The following RBBP8 variants were observed in gnomAD, a reference collection of about 807,000 sequenced individuals.
RBBP8 encodes the protein RB binding protein 8, endonuclease, also known as DNA endonuclease RBBP8.
Under a neutral mutation model 108.3 loss-of-function variants are expected in RBBP8, and 88 were observed. That is an observed-to-expected ratio of 0.81 (90% CI 0.68 to 0.97). The LOEUF (loss-of-function observed/expected upper bound fraction) is 0.97. Among genes scored for constraint, RBBP8 ranks in the 50% least tolerant of loss-of-function variants. The pLI is 0.00. For synonymous variants in RBBP8, 332 were observed against 348.2 expected, an observed-to-expected ratio of 0.95 and a Z score of 0.52; for missense variants, 1,023 against 1,049.0, an observed-to-expected ratio of 0.98 and a Z score of 0.34.
At chr18:22,999,168 C>T (rs2144733366) in intron 14 of RBBP8, among the ~76,000 whole-genome samples, 1 of 152,322 alleles carries the variant, frequency 6.6e-6, no homozygotes, top group East Asian at 1.9e-4. Flanking sequence ...TAATAAAGTG[C>T]TATGGATAGT....
chr18:22,995,418 T>C (rs2045838185), intron 12 of RBBP8, among the ~76,000 whole-genome samples: 1 of 152,200 alleles, frequency 6.6e-6, no homozygotes, highest in Non-Finnish European at 1.5e-5. Context: ...TTATAGTTTT[T>C]AATTTTAAAA....
In RBBP8 at chr18:22,937,204, C is replaced by T. The variant is rs1449142656; in HGVS notation, c.109+244C>T. Reference sequence around the variant, plus strand: ...TTTTCAATCCCCACCCTCTTCCCACCCCCCTGACCCTCCACCCTCATGTAG... The same window carrying T: ...TTTTCAATCCCCACCCTCTTCCCACTCCCCTGACCCTCCACCCTCATGTAG... On this transcript the variant is annotated intron_variant, in intron 2 of 18. Transcript: ENST00000327155. 5 of 591,748 alleles carry T rather than the reference C, an allele frequency of 8.4e-6. No homozygotes were observed. The Admixed American group carries it at 1.3e-4, about 16-fold the overall frequency. The allele number at this position is 591,748 out of a possible 1,614,324, so 36.7% of individuals were successfully genotyped here. A position where few individuals can be genotyped will look rare whatever the true frequency, so the allele number is the denominator to read the frequency against.
At chr18:22,949,364 AAAT>A (rs1356326478) in intron 3 of RBBP8, among the ~76,000 whole-genome samples, 1 of 152,198 alleles carries the variant, frequency 6.6e-6, no homozygotes, top group Non-Finnish European at 1.5e-5. Flanking sequence ...CAAAATAATA[AAAT>A]AATGTACATT....
At position 22,976,576 on chromosome 18, in the gene RBBP8, C is replaced by T. The variant is rs543373743; in HGVS notation, c.428+1357C>T. Among the ~76,000 whole-genome samples the T allele has an allele frequency of 9.2e-5, 14 of 152,206 alleles. No individual in the cohort carries two copies. The South Asian group carries it at 2.1e-3, about 23-fold the overall frequency. On this transcript the variant is annotated intron_variant, in intron 6 of 18. Transcript: ENST00000327155. ...TGATTACAGGATGATGCTTCAGACT[C>T]CACTGGAGCTGTTATGTAATTATGT...
chr18:22,971,629 A>G (rs1245493317), intron 5 of RBBP8, among the ~76,000 whole-genome samples: 1 of 150,632 alleles, frequency 6.6e-6, no homozygotes, highest in Non-Finnish European at 1.5e-5. Context: ...AGGGTGAACC[A>G]ATGTTTAATT....
At chr18:23,006,307 A>T in intron 15 of RBBP8, 56 bp from the exon 16 acceptor site, 2 of 1,466,388 alleles carry the variant, frequency 1.4e-6, no homozygotes, top group Non-Finnish European at 1.9e-6. Context: ...CAAGCTAGTT[A>T]ATTATTTCTC....
At position 22,971,148 on chromosome 18, in the gene RBBP8, TAA is replaced by T. The variant is rs11340946; in HGVS notation, c.361+2243_361+2244del. Among the ~76,000 whole-genome samples the T allele has an allele frequency of 9.5e-3, 1,377 of 145,086 alleles. 19 individuals are homozygous for T. Among genetic ancestry groups the T allele is most frequent in the African/African-American group, 0.027 (1,058 of 39,760 alleles). On this transcript the variant is annotated intron_variant, in intron 5 of 18. Coordinates refer to ENST00000327155, the MANE Select transcript of RBBP8 (RefSeq NM_002894.3). ...GAAATGAGCATGCCAGGAGAGTCTT[TAA>T]AAAAAAAAAAAAGCTTCTTTGAACA...
intron 5 of RBBP8, among the ~76,000 whole-genome samples, chr18:22,971,803 G>T (rs960089310): frequency 6.6e-6 from 1 of 151,040 alleles, no homozygotes. Flanking sequence ...CCACCACCAC[G>T]CCCAGCTAAT....
intron 4 of RBBP8, among the ~76,000 whole-genome samples, chr18:22,957,483 G>T (rs1912682592): frequency 2.0e-5 from 3 of 151,830 alleles, no homozygotes; most frequent in African/African-American, 7.3e-5. Flanking sequence ...GAGCATAATT[G>T]TTACTCTGAT....
intron 16 of RBBP8, among the ~76,000 whole-genome samples, chr18:23,010,465 T>C (rs1167416563): frequency 1.3e-5 from 2 of 151,926 alleles, no homozygotes; most frequent in African/African-American, 4.8e-5. Flanking sequence ...CTAGGTGTGA[T>C]GGTGTGTGCC....
intron 6 of RBBP8, among the ~76,000 whole-genome samples, chr18:22,980,269 A>C (rs1325641753): frequency 6.6e-6 from 1 of 152,164 alleles, no homozygotes; most frequent in African/African-American, 2.4e-5. Flanking sequence ...AATAAATAAA[A>C]ATGAGTAAAT....
intron 4 of RBBP8, among the ~76,000 whole-genome samples, chr18:22,959,720 A>C (rs1279264801): frequency 6.7e-6 from 1 of 149,666 alleles, no homozygotes; most frequent in South Asian, 2.1e-4. Flanking sequence ...CTGTATATTT[A>C]TATGTGTGTG....
chr18:23,005,375 CAG>C (rs1387184514), intron 15 of RBBP8, among the ~76,000 whole-genome samples: 1 of 152,150 alleles, frequency 6.6e-6, no homozygotes, highest in Non-Finnish European at 1.5e-5. Context: ...GTACATATAT[CAG>C]AGTATCACAC....
At position 23,014,231 on chromosome 18, in the gene RBBP8, G is replaced by A. The variant is rs1456968171; in HGVS notation, c.2358-2597G>A. 3.3e-5 allele frequency among the ~76,000 whole-genome samples: 5 copies of A among 151,712 alleles called. 1 individual carries two copies. In the South Asian group the frequency reaches 1.0e-3, roughly 31 times the overall value. ...ATGTTGGCCAGGCTGGATGAATGTT[G>A]TTTTCATGCCCGCTAACACGTATCG... On this transcript the variant is annotated intron_variant, in intron 16 of 18. Transcript: ENST00000327155.
In RBBP8 at chr18:22,996,507, A is replaced by G. The variant is rs200336198; in HGVS notation, c.2028+45A>G. The G allele has an allele frequency of 2.0e-5, 32 of 1,602,896 alleles. No individual in the cohort carries two copies. In the Admixed American group the frequency reaches 4.2e-4, roughly 21 times the overall value. On this transcript the variant is annotated intron_variant, in intron 13 of 18. Transcript: ENST00000327155. The stretch of plus-strand genomic sequence containing the variant: ...CAAAACTCATTTGACTTTTATTCCA[A>G]TGAGTTGTTAGTCAACCTCCTCTCG...
chr18:22,929,465 G>GGTGTGTGTGTGTGTGTGTGTGT (rs1165994615), upstream of RBBP8: 1 of 110,714 alleles, frequency 9.0e-6, no homozygotes, highest in African/African-American at 4.2e-5. Context: ...TGTTTGGGCA[G>GGTGTGTGTGTGTGTGTGTGTGT]GTGTGTGTGT....
At chr18:22,931,153 C>G (rs1041294312), upstream of RBBP8, among the ~76,000 whole-genome samples, 1 of 151,932 alleles carries the variant, frequency 6.6e-6, no homozygotes, top group Non-Finnish European at 1.5e-5. Flanking sequence ...TTACATGGTA[C>G]TGTAGGAGGA....
intron 18 of RBBP8, chr18:23,024,670 C>T (rs2046425754): frequency 6.6e-6 from 1 of 152,276 alleles, no homozygotes; most frequent in Admixed American, 6.5e-5. Context: ...TACTCTTTCC[C>T]TTCATTCTCA....
chr18:22,918,087 A>G (rs1449296808), intron 3 of RBBP8, among the ~76,000 whole-genome samples: 2 of 152,134 alleles, frequency 1.3e-5, no homozygotes, highest in Non-Finnish European at 2.9e-5. Context: ...CAATCCAATT[A>G]AAGATTCACT....
Sources: allele counts gnomAD v4.1 joint callset (sites outside exome capture counted in the v4.1 genomes callset), GRCh38; gene constraint gnomAD v4.1.1; transcripts MANE v1.5; gene names NCBI Gene and HGNC (gene_info 2026-07-23, HGNC 2026-07-21).